Variants in KAZN observed in about 807,000 individuals in gnomAD.
KAZN encodes the protein kazrin, periplakin interacting protein.
Under a neutral mutation model 87.4 loss-of-function variants are expected in KAZN, and 40 were observed. That is an observed-to-expected ratio of 0.46 (90% CI 0.36 to 0.60). KAZN has a LOEUF of 0.60. KAZN is among the 20% of genes least tolerant of loss of function. The probability of loss-of-function intolerance (pLI) is 0.00; values close to 1 mark genes in which losing one functional copy is unlikely to be tolerated. For missense variants in KAZN, 898 were observed against 1,073.9 expected (o/e 0.84, Z 2.29); for synonymous variants, 466 against 458.3 (o/e 1.02, Z -0.22).
intron 1 of KAZN, among the ~76,000 whole-genome samples, chr1:14,088,080 G>A (rs1396752077): frequency 2.7e-5 from 4 of 150,734 alleles, no homozygotes; most frequent in Admixed American, 6.6e-5. Flanking sequence ...TAGGCCTGAC[G>A]ATTTGTTTGT....
chr1:14,472,276 T>C (rs1028145170), intron 2 of KAZN, among the ~76,000 whole-genome samples: 2 of 152,202 alleles, frequency 1.3e-5, no homozygotes, highest in Non-Finnish European at 2.9e-5. Flanking sequence ...CATAGCTAAG[T>C]GTATCAGTCA....
intron 1 of KAZN, among the ~76,000 whole-genome samples, chr1:14,711,824 G>A (rs143956952): frequency 3.2e-4 from 49 of 152,294 alleles, no homozygotes; most frequent in African/African-American, 1.1e-3. Context: ...GAGAGACCCC[G>A]GGACAAAGGA....
intron 2 of KAZN, among the ~76,000 whole-genome samples, chr1:15,028,614 C>T (rs1299940387): frequency 1.3e-5 from 2 of 152,216 alleles, no homozygotes; most frequent in African/African-American, 4.8e-5. Context: ...AGAGTTGCAG[C>T]ACCTGCCATG....
chr1:14,345,212 C>T (rs1658022500), intron 2 of KAZN, among the ~76,000 whole-genome samples: 1 of 152,144 alleles, frequency 6.6e-6, no homozygotes, highest in Non-Finnish European at 1.5e-5. Flanking sequence ...GCCACCACGC[C>T]AGGCCCATCC....
chr1:14,366,836 T>C (rs984025175), intron 2 of KAZN, among the ~76,000 whole-genome samples: 4 of 152,226 alleles, frequency 2.6e-5, no homozygotes, highest in Admixed American at 2.6e-4. Flanking sequence ...GACAGCCTTT[T>C]GCATCTGCAC....
In KAZN at chr1:15,056,872, A is replaced by G. The variant is rs1638331798; in HGVS notation, c.916+592A>G. The stretch of plus-strand genomic sequence containing the variant: ...CCTACTGCCCATGGAACAGGCTCCA[A>G]ACTTCTCGCTGTCCTGTTGCACGTC... On this transcript the variant is annotated intron_variant, in intron 5 of 14. Transcript: ENST00000376030. The surrounding 1 kb of genome is among the most constrained non-coding windows in gnomAD (Gnocchi z 5.4). Among the ~76,000 whole-genome samples the G allele has an allele frequency of 6.6e-6, 1 of 152,288 alleles. No individual in the cohort carries two copies. The highest frequency in any genetic ancestry group is 2.1e-4 in the South Asian group (1 of 4,828).
intron 1 of KAZN, among the ~76,000 whole-genome samples, chr1:13,986,345 G>A (rs1639016382): frequency 6.6e-6 from 1 of 152,108 alleles, no homozygotes; most frequent in African/African-American, 2.4e-5. Context: ...TAATTAAAAT[G>A]TTTGTTATAA....
At chr1:14,755,750 G>C (rs1214792101) in intron 1 of KAZN, among the ~76,000 whole-genome samples, 2 of 152,184 alleles carry the variant, frequency 1.3e-5, no homozygotes, top group African/African-American at 4.8e-5. Context: ...GTGCTTTAAT[G>C]ATCACTCAGA....
intron 1 of KAZN, among the ~76,000 whole-genome samples, chr1:14,906,534 A>C (rs1046947281): frequency 6.6e-6 from 1 of 152,010 alleles, no homozygotes; most frequent in Non-Finnish European, 1.5e-5. Context: ...AGTTCACTGT[A>C]AAGTTTATTT....
chr1:15,112,275 G>C, intron 13 of KAZN, 152 bp from the exon 14 acceptor site: 1 of 647,752 alleles, frequency 1.5e-6, no homozygotes. Context: ...TGAGCACAAG[G>C]ATGGCACGTG....
intron 1 of KAZN, among the ~76,000 whole-genome samples, chr1:14,803,130 G>A (rs1178610667): frequency 6.6e-6 from 1 of 152,200 alleles, no homozygotes; most frequent in Non-Finnish European, 1.5e-5. Context: ...TTTACTGAGG[G>A]CTCCTTATAA....
intron 1 of KAZN, among the ~76,000 whole-genome samples, chr1:14,677,572 C>A (rs145903118): frequency 5.3e-5 from 8 of 152,008 alleles, no homozygotes; most frequent in Non-Finnish European, 1.0e-4. Flanking sequence ...CAGACCTTGG[C>A]GATGACAGGC....
intron 1 of KAZN, among the ~76,000 whole-genome samples, chr1:14,830,226 G>C (rs1034431795): frequency 6.6e-6 from 1 of 152,146 alleles, no homozygotes; most frequent in Admixed American, 6.5e-5. Context: ...TCACAGACAG[G>C]CTTTCCCTGA....
intron 1 of KAZN, among the ~76,000 whole-genome samples, chr1:14,809,269 G>A (rs1646328942): frequency 6.6e-6 from 1 of 152,230 alleles, no homozygotes; most frequent in African/African-American, 2.4e-5. Flanking sequence ...CATCAGTGCT[G>A]TGTGATGCAG....
chr1:14,379,470 G>C (rs1177576396), intron 2 of KAZN, among the ~76,000 whole-genome samples: 1 of 152,050 alleles, frequency 6.6e-6, no homozygotes, highest in Admixed American at 6.5e-5. Context: ...TTGGCTCTTA[G>C]ACAACGTCTA....
chr1:14,311,950 C>T (rs1167394319), intron 2 of KAZN, among the ~76,000 whole-genome samples: 1 of 152,116 alleles, frequency 6.6e-6, no homozygotes, highest in African/African-American at 2.4e-5. Flanking sequence ...AAAAGTAAAT[C>T]AAGGCCCTCC....
intron 1 of KAZN, among the ~76,000 whole-genome samples, chr1:13,971,922 G>T (rs1447529591): frequency 2.0e-5 from 3 of 151,996 alleles, no homozygotes; most frequent in Non-Finnish European, 4.4e-5. Flanking sequence ...CACCATAATT[G>T]TAAGTTCCCT....
chr1:14,072,559 G>T (rs1351699779), intron 1 of KAZN, among the ~76,000 whole-genome samples: 1 of 152,192 alleles, frequency 6.6e-6, no homozygotes, highest in Non-Finnish European at 1.5e-5. Flanking sequence ...CATATCAAAT[G>T]TGGGAAAGGT....
intron 1 of KAZN, among the ~76,000 whole-genome samples, chr1:13,968,885 A>G (rs1642037773): frequency 6.6e-6 from 1 of 152,106 alleles, no homozygotes; most frequent in Non-Finnish European, 1.5e-5. Flanking sequence ...ATGACTCCCA[A>G]ATCTACAAGT....
Sources: gnomAD v4.1 joint callset for allele counts (sites outside exome capture counted in the v4.1 genomes callset) on GRCh38, gnomAD v4.1.1 for gene constraint, Gnocchi (gnomAD v3.1) non-coding constraint, MANE v1.5 for transcripts, NCBI Gene and HGNC (gene_info 2026-07-23, HGNC 2026-07-21) for gene names.